Variants in CAMK1D observed in about 807,000 individuals in gnomAD.
CAMK1D encodes the protein calcium/calmodulin-dependent protein kinase type 1D.
CAMK1D carries 9 observed loss-of-function variants against 47.7 expected under a neutral mutation model. The ratio of observed to expected loss-of-function variants is 0.19; its 90% CI spans 0.11 to 0.33. The LOEUF is 0.33. CAMK1D is among the 10% of genes least tolerant of loss of function. CAMK1D has a pLI of 1.00. For missense variants in CAMK1D, 291 were observed against 488.7 expected (o/e 0.60, Z 3.81); for synonymous variants, 184 against 184.9 (o/e 0.99, Z 0.04).
intron 1 of CAMK1D, among the ~76,000 whole-genome samples, chr10:12,359,277 C>T (rs574778861): frequency 5.3e-5 from 8 of 152,290 alleles, no homozygotes; most frequent in African/African-American, 9.6e-5. Flanking sequence ...GTGTGTGGCA[C>T]GTGGGTGTGT....
intron 3 of CAMK1D, among the ~76,000 whole-genome samples, chr10:12,680,476 T>C (rs867233336): frequency 2.6e-5 from 4 of 152,252 alleles, no homozygotes; most frequent in Admixed American, 6.5e-5. Flanking sequence ...TTAATCTCCA[T>C]GAAACAAGCA....
intron 8 of CAMK1D, among the ~76,000 whole-genome samples, chr10:12,817,177 T>C (rs1198987823): frequency 2.6e-5 from 4 of 152,152 alleles, no homozygotes. Flanking sequence ...CCACAACACG[T>C]GGGAATTCAA....
intron 2 of CAMK1D, among the ~76,000 whole-genome samples, chr10:12,624,248 A>G (rs1052397039): frequency 1.3e-5 from 2 of 151,828 alleles, no homozygotes; most frequent in African/African-American, 4.8e-5. Flanking sequence ...ATTCTAGTCT[A>G]TTTCAGTAAG....
At chr10:12,524,351 C>T (rs774555544) in intron 1 of CAMK1D, among the ~76,000 whole-genome samples, 1 of 152,126 alleles carries the variant, frequency 6.6e-6, no homozygotes, top group Non-Finnish European at 1.5e-5. Flanking sequence ...GTCCTATAAC[C>T]AAATAGACTT....
chr10:12,386,230 G>T (rs1838490856), intron 1 of CAMK1D, among the ~76,000 whole-genome samples: 1 of 152,172 alleles, frequency 6.6e-6, no homozygotes, highest in African/African-American at 2.4e-5. Flanking sequence ...CTTGAGCTCA[G>T]AAGTTCAAGA....
At chr10:12,769,826 T>G (rs765105639) in intron 5 of CAMK1D, 27 bp downstream of exon 5, 16 of 1,612,406 alleles carry the variant, frequency 9.9e-6, no homozygotes, top group Non-Finnish European at 1.4e-5. Context: ...TGCACACATG[T>G]GCCCGTGTGT....
chr10:12,632,426 G>A (rs558945022), intron 2 of CAMK1D, among the ~76,000 whole-genome samples: 22 of 152,318 alleles, frequency 1.4e-4, no homozygotes, highest in African/African-American at 4.1e-4. Flanking sequence ...TTGAGTGGCA[G>A]AACAGCTGAT....
intron 1 of CAMK1D, among the ~76,000 whole-genome samples, chr10:12,357,302 G>A (rs544499173): frequency 6.6e-6 from 1 of 151,824 alleles, no homozygotes; most frequent in African/African-American, 2.4e-5. Flanking sequence ...CTCCTGAGTA[G>A]CTGGGATTAC....
chr10:12,547,332 G>A (rs940630718), intron 1 of CAMK1D, among the ~76,000 whole-genome samples: 55 of 152,314 alleles, frequency 3.6e-4, no homozygotes, highest in African/African-American at 1.2e-3. Context: ...GAAGAAGGTC[G>A]ACTGCAGAGA....
At position 12,769,711 on chromosome 10, in the gene CAMK1D, C is replaced by T; in HGVS notation, c.477C>T (p.Ser159=). The part of the protein sequence containing the change: ...NLLYYSQDEE[S]KIMISDFGLS... The stretch of plus-strand genomic sequence containing the variant: ...TGTACTACAGTCAAGATGAGGAGTC[C>T]AAAATAATGATCAGTGACTTTGGAT... The change falls in exon 5 of 11, where the codon TCC becomes TCT. Residue 159 remains serine (S), a synonymous_variant. Transcript: ENST00000619168. 1 of 1,614,118 alleles carries T rather than the reference C, an allele frequency of 6.2e-7. No homozygotes were observed. Among genetic ancestry groups the T allele is most frequent in the Non-Finnish European group, 8.5e-7 (1 of 1,180,004 alleles).
chr10:12,624,528 C>A (rs914022568), intron 2 of CAMK1D, among the ~76,000 whole-genome samples: 1 of 152,192 alleles, frequency 6.6e-6, no homozygotes, highest in Non-Finnish European at 1.5e-5. Flanking sequence ...GCCCATTTCA[C>A]TCAGATGATG....
chr10:12,759,912 A>G (rs185464485), intron 3 of CAMK1D, among the ~76,000 whole-genome samples: 1 of 152,286 alleles, frequency 6.6e-6, no homozygotes, highest in Admixed American at 6.5e-5. Flanking sequence ...GTCTTTTGTT[A>G]TATCTGTGAA....
intron 1 of CAMK1D, among the ~76,000 whole-genome samples, chr10:12,460,591 C>G (rs1285310792): frequency 6.6e-6 from 1 of 152,114 alleles, no homozygotes; most frequent in African/African-American, 2.4e-5. Context: ...TGCCACCACA[C>G]CTGGCTATTT....
chr10:12,816,545 T>G (rs116409034), intron 8 of CAMK1D, among the ~76,000 whole-genome samples: 3 of 151,996 alleles, frequency 2.0e-5, no homozygotes, highest in Non-Finnish European at 4.4e-5. Context: ...GAAGTTAGTA[T>G]GTGTATTCGT....
At chr10:12,653,937 C>T (rs1012144956) in intron 2 of CAMK1D, among the ~76,000 whole-genome samples, 2 of 152,152 alleles carry the variant, frequency 1.3e-5, no homozygotes, top group Non-Finnish European at 2.9e-5. Flanking sequence ...TTGACATGGT[C>T]ATGGGTTTGA....
chr10:12,674,617 T>TTTTTTTTC (rs398012836), intron 3 of CAMK1D, among the ~76,000 whole-genome samples: 1 of 145,320 alleles, frequency 6.9e-6, no homozygotes, highest in African/African-American at 2.5e-5. Flanking sequence ...TTTTTTTTTT[T>TTTTTTTTC]CAGAATTCTG....
chr10:12,686,429 C>G (rs1381275307), intron 3 of CAMK1D, among the ~76,000 whole-genome samples: 2 of 152,064 alleles, frequency 1.3e-5, no homozygotes, highest in Non-Finnish European at 2.9e-5. Context: ...TCAAGCGATT[C>G]TCTTACCTCA....
chr10:12,566,043 A>C (rs1196758154), intron 2 of CAMK1D, among the ~76,000 whole-genome samples: 4 of 152,134 alleles, frequency 2.6e-5, no homozygotes, highest in African/African-American at 9.7e-5. Context: ...TTTAGAAGCT[A>C]CTTGACCTTG....
chr10:12,578,463 G>C (rs539137304), intron 2 of CAMK1D, among the ~76,000 whole-genome samples: 3 of 151,144 alleles, frequency 2.0e-5, no homozygotes, highest in Admixed American at 2.0e-4. Context: ...CTAGCTACTC[G>C]AGAGGCTGAG....
Sources: gnomAD v4.1 joint callset for allele counts (sites outside exome capture counted in the v4.1 genomes callset) on GRCh38, gnomAD v4.1.1 for gene constraint, MANE v1.5 for transcripts, NCBI Gene and HGNC (gene_info 2026-07-23, HGNC 2026-07-21) for gene names.